The following RAD51B variants were observed in gnomAD, a reference collection of about 807,000 sequenced individuals.
RAD51B encodes DNA repair protein RAD51 homolog 2.
In RAD51B, 38 loss-of-function variants were observed where a neutral mutation model predicts 42.2. That is an observed-to-expected ratio of 0.90 (90% CI 0.70 to 1.18). The LOEUF (loss-of-function observed/expected upper bound fraction) is 1.18. Among genes scored for constraint, RAD51B ranks in the 50% most tolerant of loss-of-function variants. The probability of loss-of-function intolerance (pLI) is 0.00; values close to 1 mark genes in which losing one functional copy is unlikely to be tolerated. For missense variants in RAD51B, 373 were observed against 400.7 expected (o/e 0.93, Z 0.59); for synonymous variants, 154 against 145.2 (o/e 1.06, Z -0.43).
intron 7 of RAD51B, among the ~76,000 whole-genome samples, chr14:68,034,274 T>G (rs1411233033): frequency 6.6e-6 from 1 of 152,064 alleles, no homozygotes; most frequent in Non-Finnish European, 1.5e-5. Flanking sequence ...CTTTTTTTTT[T>G]TTTGGTGGTG....
intron 10 of RAD51B, among the ~76,000 whole-genome samples, chr14:68,593,187 C>A (rs1890834615): frequency 6.6e-6 from 1 of 152,254 alleles, no homozygotes; most frequent in African/African-American, 2.4e-5. Flanking sequence ...AAGTTCAGAT[C>A]TTCCATTCTT....
intron 7 of RAD51B, among the ~76,000 whole-genome samples, chr14:67,948,930 T>TGAAAAAAAAAA (rs2074386939): frequency 4.2e-5 from 1 of 23,980 alleles, no homozygotes; most frequent in African/African-American, 3.1e-4. Flanking sequence ...AGACTCTGTC[T>TGAAAAAAAAAA]CAAAAAAAAA....
chr14:68,613,383 A>G (rs985838765), downstream of RAD51B, among the ~76,000 whole-genome samples: 1 of 150,702 alleles, frequency 6.6e-6, no homozygotes, highest in Non-Finnish European at 1.5e-5. Context: ...ACACCATTGC[A>G]CTCCAGCCTG....
intron 7 of RAD51B, among the ~76,000 whole-genome samples, chr14:67,991,793 G>A (rs1358443674): frequency 1.3e-5 from 2 of 152,094 alleles, no homozygotes; most frequent in Non-Finnish European, 2.9e-5. Flanking sequence ...AATAAACATA[G>A]GAGTGCAGAT....
intron 7 of RAD51B, among the ~76,000 whole-genome samples, chr14:68,233,744 G>A (rs950931824): frequency 6.6e-6 from 1 of 152,174 alleles, no homozygotes; most frequent in Non-Finnish European, 1.5e-5. Context: ...TGACAAGGGT[G>A]GGAGGAGCCC....
intron 10 of RAD51B, among the ~76,000 whole-genome samples, chr14:68,538,264 T>C (rs927991368): frequency 1.3e-5 from 2 of 152,280 alleles, no homozygotes; most frequent in Admixed American, 1.3e-4. Flanking sequence ...AAGGGGAGGC[T>C]GTTTGAGGAA....
At chr14:68,069,064 A>G (rs941081486) in intron 7 of RAD51B, among the ~76,000 whole-genome samples, 3 of 152,174 alleles carry the variant, frequency 2.0e-5, no homozygotes, top group Non-Finnish European at 2.9e-5. Context: ...TTGCTTTAGT[A>G]TTCTTCTAAA....
chr14:68,082,770 A>T (rs1286316323), intron 7 of RAD51B, among the ~76,000 whole-genome samples: 1 of 152,104 alleles, frequency 6.6e-6, no homozygotes, highest in Non-Finnish European at 1.5e-5. Flanking sequence ...TTTCATTACA[A>T]TGACTAATGT....
rs1012162416 is a variant in RAD51B, at chr14:68,518,561, C to CA, written c.1036+50311_1036+50312insA. On this transcript the variant is annotated intron_variant, in intron 10 of 10. Coordinates refer to the RAD51B transcript ENST00000487270. ...TGACCCCAGGTCATATGAGCCCCCC[C>CA]CCCAGGCCTCCCCCATCCACTTTCA... Among the ~76,000 whole-genome samples the CA allele has an allele frequency of 6.6e-5, 10 of 150,694 alleles. 1 individual carries two copies. The South Asian group carries it at 2.1e-3, about 32-fold the overall frequency.
chr14:68,253,282 C>T (rs942359682), intron 7 of RAD51B, among the ~76,000 whole-genome samples: 4 of 150,938 alleles, frequency 2.7e-5, no homozygotes, highest in Non-Finnish European at 4.4e-5. Context: ...CCATCTGTAG[C>T]TTTTTTTTTC....
exon 11 of RAD51B, chr14:68,594,823 C>A: frequency 8.2e-7 from 1 of 1,219,742 alleles, no homozygotes. Context: ...TGACAGGTGA[C>A]CTGCTCAGGT....
chr14:68,377,203 A>G (rs940730392), intron 8 of RAD51B, among the ~76,000 whole-genome samples: 3 of 152,176 alleles, frequency 2.0e-5, no homozygotes, highest in Admixed American at 6.5e-5. Flanking sequence ...TTGCCTTAAC[A>G]CCCTGGCCAG....
chr14:68,534,360 A>G (rs1887486272), intron 10 of RAD51B, among the ~76,000 whole-genome samples: 2 of 152,226 alleles, frequency 1.3e-5, no homozygotes, highest in South Asian at 4.1e-4. Context: ...TAATAAATGA[A>G]TAATAGGTTA....
At chr14:68,016,723 TA>T (rs1163260517) in intron 7 of RAD51B, among the ~76,000 whole-genome samples, 1 of 152,172 alleles carries the variant, frequency 6.6e-6, no homozygotes, top group East Asian at 1.9e-4. Flanking sequence ...GAATCTGTGC[TA>T]AGGAAATTAT....
chr14:68,185,933 T>C (rs909902664), intron 7 of RAD51B, among the ~76,000 whole-genome samples: 1 of 152,142 alleles, frequency 6.6e-6, no homozygotes, highest in African/African-American at 2.4e-5. Context: ...ACTCTCCCTT[T>C]GAGGCATCAC....
intron 9 of RAD51B, among the ~76,000 whole-genome samples, chr14:68,432,868 C>T (rs543472454): frequency 3.3e-5 from 5 of 152,282 alleles, no homozygotes; most frequent in African/African-American, 1.2e-4. Flanking sequence ...ATTTGGCGTG[C>T]TTTTGCAGTG....
chr14:68,607,081 A>G (rs1891475538), intron 10 of RAD51B, among the ~76,000 whole-genome samples: 1 of 152,142 alleles, frequency 6.6e-6, no homozygotes, highest in South Asian at 2.1e-4. Context: ...CCAGCCTCAC[A>G]CTTCTAGGTG....
chr14:68,671,060 G>A (rs17106128), intron 11 of RAD51B, among the ~76,000 whole-genome samples: 1,599 of 152,246 alleles, frequency 0.011, 28 homozygotes, highest in African/African-American at 0.037. Context: ...CAGCCCAAAC[G>A]CCTGATCCAG....
At chr14:68,558,925 T>G (rs1241988410) in intron 10 of RAD51B, among the ~76,000 whole-genome samples, 1 of 152,168 alleles carries the variant, frequency 6.6e-6, no homozygotes, top group African/African-American at 2.4e-5. Flanking sequence ...CTTGGGTGAC[T>G]CCGTATCTGT....
Sources: gnomAD v4.1 joint callset for allele counts (sites outside exome capture counted in the v4.1 genomes callset) on GRCh38, gnomAD v4.1.1 for gene constraint, MANE v1.5 for transcripts, NCBI Gene and HGNC (gene_info 2026-07-23, HGNC 2026-07-21) for gene names.